Variants in ANK2 observed in about 807,000 individuals in gnomAD.
ANK2 encodes ankyrin-2.
Under a neutral mutation model 360.5 loss-of-function variants are expected in ANK2, and 83 were observed. The ratio of observed to expected loss-of-function variants is 0.23; its 90% confidence interval spans 0.19 to 0.28. The LOEUF (loss-of-function observed/expected upper bound fraction) is 0.28. Ranked by LOEUF, ANK2 falls within the 10% of genes least tolerant of loss-of-function variation. ANK2 has a pLI of 1.00. For synonymous variants in ANK2, 1,740 were observed against 1,759.5 expected (o/e 0.99, Z 0.28); for missense variants, 4,201 against 4,795.7 (o/e 0.88, Z 3.66).
At chr4:112,781,779 T>A in the ANK2 span, among the ~76,000 whole-genome samples, 1 of 152,026 alleles carries the variant, frequency 6.6e-6, no homozygotes. Flanking sequence ...ACAGTGACTA[T>A]TTTTGATAAT....
At chr4:112,961,122 A>G (rs898059912) in intron 2 of ANK2, among the ~76,000 whole-genome samples, 5 of 151,156 alleles carry the variant, frequency 3.3e-5, no homozygotes, top group Non-Finnish European at 5.9e-5. Flanking sequence ...ACAAAATTCC[A>G]TTATAAAAAT....
At position 113,239,649 on chromosome 4, in the gene ANK2, A is replaced by G. The variant is rs180915475; in HGVS notation, c.694-836A>G. Reference sequence around the variant, plus strand: ...AACAATTTTCAACTAGATTTTCATCAGAAAAAGAAAGAAAAGGAAATATAT... The same window carrying G: ...AACAATTTTCAACTAGATTTTCATCGGAAAAAGAAAGAAAAGGAAATATAT... On this transcript the variant is annotated intron_variant, in intron 7 of 45. Transcript: ENST00000357077. Among the ~76,000 whole-genome samples, 13 of 152,302 alleles carry G rather than the reference A, an allele frequency of 8.5e-5. No homozygotes were observed. The South Asian group carries it at 2.5e-3, about 29-fold the overall frequency.
intron 33 of ANK2, 46 bp downstream of exon 33, chr4:113,341,962 A>G: frequency 7.2e-7 from 1 of 1,386,722 alleles, no homozygotes. Context: ...ATGTTGTTAT[A>G]CCTGCATTAA....
upstream of ANK2, among the ~76,000 whole-genome samples, chr4:112,813,130 T>TG (rs1165497765): frequency 2.0e-5 from 3 of 150,970 alleles, no homozygotes; most frequent in African/African-American, 7.3e-5. Flanking sequence ...CCCAGCTACT[T>TG]GGGAGGCTAA....
At chr4:113,073,929 A>T (rs1264555499) in intron 1 of ANK2, among the ~76,000 whole-genome samples, 1 of 152,180 alleles carries the variant, frequency 6.6e-6, no homozygotes, top group Non-Finnish European at 1.5e-5. Flanking sequence ...TCCATTAATG[A>T]TTTTTAATAT....
the ANK2 span, among the ~76,000 whole-genome samples, chr4:112,768,563 T>C: frequency 6.6e-6 from 1 of 151,986 alleles, no homozygotes; most frequent in East Asian, 1.9e-4. Flanking sequence ...TTTTTCATTA[T>C]ATGTTGTAAT....
the ANK2 span, among the ~76,000 whole-genome samples, chr4:112,812,161 G>C: frequency 1.3e-5 from 2 of 150,272 alleles, no homozygotes; most frequent in Non-Finnish European, 2.9e-5. Flanking sequence ...CTTAACTCTC[G>C]ACTAATTTTC....
intron 2 of ANK2, among the ~76,000 whole-genome samples, chr4:113,177,364 G>A (rs1366116123): frequency 1.3e-5 from 2 of 152,244 alleles, no homozygotes; most frequent in Non-Finnish European, 2.9e-5. Flanking sequence ...ACAGGCGTGA[G>A]CCACCGCGCC....
At position 113,009,482 on chromosome 4, in the gene ANK2, A is replaced by G. The variant is rs1456577231; in HGVS notation, c.21+104968A>G. The stretch of plus-strand genomic sequence containing the variant: ...TAGAGTATGCAAAAAACCTGTAAAC[A>G]CCAGGAAATTTAGAGCCCTGAAATA... On this transcript the variant is annotated intron_variant, in intron 2 of 30. Coordinates refer to the ANK2 transcript ENST00000503271. Among the ~76,000 whole-genome samples, 4 of 152,334 alleles carry G rather than the reference A, an allele frequency of 2.6e-5. No homozygotes were observed. The East Asian group carries it at 7.7e-4, about 29-fold the overall frequency.
chr4:113,381,247 T>A (rs1053128799), intron 45 of ANK2, among the ~76,000 whole-genome samples: 3 of 152,066 alleles, frequency 2.0e-5, no homozygotes, highest in Non-Finnish European at 4.4e-5. Flanking sequence ...AAACACATTT[T>A]AAAAAAATCT....
chr4:113,361,009 A>C, intron 39 of ANK2, 112 bp downstream of exon 39: 1 of 987,794 alleles, frequency 1.0e-6, no homozygotes, highest in Non-Finnish European at 1.6e-6. Flanking sequence ...AATACATGAA[A>C]AGAAGAATAA....
chr4:113,046,960 G>A (rs1439703660), upstream of ANK2, among the ~76,000 whole-genome samples: 1 of 152,210 alleles, frequency 6.6e-6, no homozygotes, highest in Non-Finnish European at 1.5e-5. Context: ...TCCAAGCAAT[G>A]ATTCTATTAC....
chr4:113,205,010 C>T (rs1584805690), intron 4 of ANK2, among the ~76,000 whole-genome samples: 1 of 151,908 alleles, frequency 6.6e-6, no homozygotes. Flanking sequence ...CCGAGACGGG[C>T]GGATCACGAG....
intron 23 of ANK2, among the ~76,000 whole-genome samples, chr4:113,307,111 C>T (rs1165174623): frequency 1.3e-5 from 2 of 152,136 alleles, no homozygotes; most frequent in African/African-American, 4.8e-5. Context: ...CTCATGGATT[C>T]TTGAGTGGGT....
intron 23 of ANK2, among the ~76,000 whole-genome samples, chr4:113,306,969 T>C (rs2077504395): frequency 6.6e-6 from 1 of 152,244 alleles, no homozygotes. Context: ...TCTAAGTCTT[T>C]GTAGGATCGT....
At chr4:113,003,357 C>T (rs981526236) in intron 2 of ANK2, among the ~76,000 whole-genome samples, 5 of 151,980 alleles carry the variant, frequency 3.3e-5, no homozygotes, top group African/African-American at 1.2e-4. Context: ...TTTGACCTTA[C>T]CTCCCTGAGA....
At chr4:113,063,073 A>G (rs1261225027) in intron 1 of ANK2, among the ~76,000 whole-genome samples, 2 of 152,070 alleles carry the variant, frequency 1.3e-5, no homozygotes, top group East Asian at 3.9e-4. Context: ...TTGGAATCTA[A>G]AATTCTAAAG....
chr4:112,812,795 C>T, the ANK2 span, among the ~76,000 whole-genome samples: 12 of 152,134 alleles, frequency 7.9e-5, no homozygotes, highest in Admixed American at 4.6e-4. Flanking sequence ...TCCTTTGACA[C>T]GACCCTACTT....
chr4:113,155,078 A>G (rs570224479), intron 1 of ANK2, among the ~76,000 whole-genome samples: 3 of 152,354 alleles, frequency 2.0e-5, no homozygotes, highest in Non-Finnish European at 4.4e-5. Flanking sequence ...AGCAAATTCC[A>G]TATTAATTAT....
Sources: gnomAD v4.1 joint callset for allele counts (sites outside exome capture counted in the v4.1 genomes callset) on GRCh38, gnomAD v4.1.1 for gene constraint, MANE v1.5 for transcripts, NCBI Gene and HGNC (gene_info 2026-07-23, HGNC 2026-07-21) for gene names.